CHODL: variants seen among roughly 807,000 people sequenced by gnomAD.
CHODL encodes the protein transmembrane protein MT75.
A neutral mutation model predicts 34.5 loss-of-function variants in CHODL; 29 were observed. The ratio of observed to expected loss-of-function variants is 0.84; its 90% CI spans 0.63 to 1.15. The LOEUF (loss-of-function observed/expected upper bound fraction) is 1.15. Ranked by LOEUF, CHODL falls within the 50% of genes most tolerant of loss-of-function variation. CHODL has a pLI of 0.00. For synonymous variants in CHODL, 125 were observed against 116.1 expected, an observed-to-expected ratio of 1.08 and a Z score of -0.49; for missense variants, 332 against 332.5, an observed-to-expected ratio of 1.00 and a Z score of 0.01.
At position 18,108,174 on chromosome 21, in the gene CHODL, A is replaced by G. The variant is rs183430830; in HGVS notation, c.-45+80203A>G. Among the ~76,000 whole-genome samples, 709 of 149,890 alleles carry G rather than the reference A, an allele frequency of 4.7e-3. 4 individuals carry two copies. The highest frequency in any genetic ancestry group is 0.017 in the African/African-American group (676 of 40,152). On this transcript the variant is annotated intron_variant, in intron 2 of 6. Coordinates refer to the CHODL transcript ENST00000400127. ...TTTTTTTTTTTTTATCATTTACTGT[A>G]TGATCTATTAGCTCTTGGCCTTTGG... is the stretch of plus-strand genomic sequence containing the variant.
chr21:18,015,035 TC>T (rs1194996845), intron 1 of CHODL, among the ~76,000 whole-genome samples: 1 of 152,146 alleles, frequency 6.6e-6, no homozygotes, highest in Non-Finnish European at 1.5e-5. Flanking sequence ...GTTTGAAACT[TC>T]TTAGAGACTG....
chr21:18,001,052 G>A (rs2146399483), intron 1 of CHODL, among the ~76,000 whole-genome samples: 1 of 152,298 alleles, frequency 6.6e-6, no homozygotes, highest in East Asian at 1.9e-4. Flanking sequence ...TATACTCAGA[G>A]TCCAGGATAG....
chr21:18,083,537 A>C (rs1274026235), intron 2 of CHODL, among the ~76,000 whole-genome samples: 2 of 152,144 alleles, frequency 1.3e-5, no homozygotes, highest in African/African-American at 4.8e-5. Flanking sequence ...ACTCAACACC[A>C]ACCCATGAAA....
At chr21:18,215,824 A>C (rs905324396) in intron 2 of CHODL, among the ~76,000 whole-genome samples, 1 of 152,164 alleles carries the variant, frequency 6.6e-6, no homozygotes, top group Non-Finnish European at 1.5e-5. Flanking sequence ...ACTTCTATCT[A>C]TGAGTTTACT....
At chr21:17,952,271 A>G (rs1221379205) in intron 1 of CHODL, among the ~76,000 whole-genome samples, 1 of 152,042 alleles carries the variant, frequency 6.6e-6, no homozygotes, top group Admixed American at 6.6e-5. Context: ...AATTACAAGG[A>G]AAACTATTTT....
chr21:18,035,077 T>C (rs2064294081), intron 2 of CHODL, among the ~76,000 whole-genome samples: 1 of 151,992 alleles, frequency 6.6e-6, no homozygotes, highest in South Asian at 2.1e-4. Context: ...AGAGAGGTCT[T>C]ACTAGCAGAA....
intron 1 of CHODL, among the ~76,000 whole-genome samples, chr21:18,007,903 A>G (rs2063975280): frequency 6.6e-6 from 1 of 152,174 alleles, no homozygotes; most frequent in South Asian, 2.1e-4. Context: ...TGGAGTTTGG[A>G]ACAGTTGAAA....
chr21:18,138,989 G>T (rs967036991), intron 2 of CHODL, among the ~76,000 whole-genome samples: 2 of 151,936 alleles, frequency 1.3e-5, no homozygotes, highest in Admixed American at 6.6e-5. Flanking sequence ...CAAATAGTTT[G>T]GGTAATATTA....
At chr21:17,994,609 T>C (rs1479103557) in intron 1 of CHODL, among the ~76,000 whole-genome samples, 4 of 152,040 alleles carry the variant, frequency 2.6e-5, no homozygotes, top group African/African-American at 9.7e-5. Flanking sequence ...CCGTGGAGGT[T>C]GTGTGTGTAT....
chr21:18,189,521 G>T (rs1238482770), intron 2 of CHODL, among the ~76,000 whole-genome samples: 1 of 151,964 alleles, frequency 6.6e-6, no homozygotes, highest in East Asian at 1.9e-4. Context: ...ATTGTTAAGA[G>T]CTGAATTGCA....
intron 2 of CHODL, among the ~76,000 whole-genome samples, chr21:18,058,807 C>T (rs189074477): frequency 2.0e-4 from 31 of 152,272 alleles, no homozygotes; most frequent in Admixed American, 1.6e-3. Flanking sequence ...CTATACAACT[C>T]CCTTTTTGCC....
intron 1 of CHODL, among the ~76,000 whole-genome samples, chr21:18,009,899 A>AAAAAAAAAC (rs1396111649): frequency 6.7e-6 from 1 of 149,856 alleles, no homozygotes. Flanking sequence ...AAAAAAAAAA[A>AAAAAAAAAC]ATAACATTTG....
intron 1 of CHODL, among the ~76,000 whole-genome samples, chr21:17,966,369 GAA>G (rs2146357522): frequency 6.6e-6 from 1 of 152,272 alleles, no homozygotes; most frequent in East Asian, 1.9e-4. Context: ...GTATTACTAA[GAA>G]AACAGAAATT....
chr21:18,155,978 T>C (rs2073029585), intron 2 of CHODL, among the ~76,000 whole-genome samples: 1 of 152,220 alleles, frequency 6.6e-6, no homozygotes. Flanking sequence ...GGAATACTTA[T>C]ACTCAAGTCA....
At chr21:18,059,095 G>A (rs1390058540) in intron 2 of CHODL, among the ~76,000 whole-genome samples, 1 of 152,110 alleles carries the variant, frequency 6.6e-6, no homozygotes, top group African/African-American at 2.4e-5. Context: ...ATTAATTAAG[G>A]TTAAATGAGG....
chr21:18,083,999 CTG>C (rs2064973399), intron 2 of CHODL, among the ~76,000 whole-genome samples: 1 of 152,190 alleles, frequency 6.6e-6, no homozygotes, highest in Non-Finnish European at 1.5e-5. Flanking sequence ...TGGTTTCGCT[CTG>C]TGTCCCCACT....
At chr21:18,124,521 G>C (rs766000846) in intron 2 of CHODL, among the ~76,000 whole-genome samples, 2 of 152,150 alleles carry the variant, frequency 1.3e-5, no homozygotes, top group Non-Finnish European at 2.9e-5. Context: ...TATTTTAACT[G>C]TGACAATCTA....
At chr21:18,040,020 A>G (rs1206441069) in intron 2 of CHODL, among the ~76,000 whole-genome samples, 1 of 151,872 alleles carries the variant, frequency 6.6e-6, no homozygotes, top group Admixed American at 6.6e-5. Context: ...ATCACATCAC[A>G]TAAATAAGAA....
chr21:18,174,157 A>ATATATG (rs1555879240), intron 2 of CHODL, among the ~76,000 whole-genome samples: 2,291 of 88,076 alleles, frequency 0.026, 148 homozygotes, highest in African/African-American at 0.066. Context: ...ATATATATAT[A>ATATATG]TATAAAATCA....
Sources: allele counts gnomAD v4.1 joint callset (sites outside exome capture counted in the v4.1 genomes callset), GRCh38; gene constraint gnomAD v4.1.1; transcripts MANE v1.5; gene names NCBI Gene and HGNC (gene_info 2026-07-23, HGNC 2026-07-21).